Variants in KCNN2 observed in about 807,000 individuals in gnomAD.
KCNN2 encodes small conductance calcium-activated potassium channel protein 2.
Under a neutral mutation model 55.5 loss-of-function variants are expected in KCNN2, and 24 were observed. That is an observed-to-expected ratio of 0.43 (90% confidence interval 0.31 to 0.61). KCNN2 has a LOEUF of 0.61. KCNN2 is among the 20% of genes least tolerant of loss of function. KCNN2 has a pLI of 0.08. For missense variants in KCNN2, 754 were observed against 853.6 expected, an observed-to-expected ratio of 0.88 and a Z score of 1.45; for synonymous variants, 431 against 336.1, an observed-to-expected ratio of 1.28 and a Z score of -3.09.
At chr5:114,150,743 C>T (rs984719990) in intron 1 of KCNN2, among the ~76,000 whole-genome samples, 13 of 152,162 alleles carry the variant, frequency 8.5e-5, no homozygotes, top group South Asian at 2.1e-4. Flanking sequence ...TAAGCAAGGC[C>T]GGGCACAGTG....
At chr5:114,201,203 T>C (rs1319738419) in intron 1 of KCNN2, among the ~76,000 whole-genome samples, 1 of 152,046 alleles carries the variant, frequency 6.6e-6, no homozygotes, top group Non-Finnish European at 1.5e-5. Flanking sequence ...CAGCTGCCCA[T>C]AGTAGGTGGC....
chr5:114,240,674 A>C, intron 2 of KCNN2, among the ~76,000 whole-genome samples: 1 of 152,032 alleles, frequency 6.6e-6, no homozygotes, highest in South Asian at 2.1e-4. Flanking sequence ...CAAGCAATCC[A>C]CTGCCTCATC....
At chr5:114,393,781 T>A (rs1383261043) in intron 2 of KCNN2, among the ~76,000 whole-genome samples, 1 of 150,836 alleles carries the variant, frequency 6.6e-6, no homozygotes, top group Non-Finnish European at 1.5e-5. Flanking sequence ...TACTTTGCTT[T>A]TAAAAAAAAA....
chr5:114,209,205 C>G (rs1451751891), intron 1 of KCNN2, among the ~76,000 whole-genome samples: 1 of 151,992 alleles, frequency 6.6e-6, no homozygotes, highest in Non-Finnish European at 1.5e-5. Context: ...CAGGCATGCA[C>G]CACCACACCT....
chr5:114,123,153 G>T (rs902288696), intron 1 of KCNN2, among the ~76,000 whole-genome samples: 1 of 151,736 alleles, frequency 6.6e-6, no homozygotes, highest in Non-Finnish European at 1.5e-5. Flanking sequence ...TGTTTTTTTT[G>T]CCCAGATATC....
intron 2 of KCNN2, among the ~76,000 whole-genome samples, chr5:114,299,540 T>C (rs866531044): frequency 7.9e-5 from 12 of 152,212 alleles, no homozygotes; most frequent in African/African-American, 2.9e-4. Context: ...GGATTCAGTT[T>C]CTTTCTGGGG....
At chr5:114,067,732 C>T (rs1750480483) in intron 1 of KCNN2, among the ~76,000 whole-genome samples, 1 of 152,174 alleles carries the variant, frequency 6.6e-6, no homozygotes, top group Non-Finnish European at 1.5e-5. Flanking sequence ...TACCCCACTC[C>T]TCCCACAGGG....
chr5:114,251,017 A>G (rs768465776), intron 2 of KCNN2, among the ~76,000 whole-genome samples: 82 of 152,226 alleles, frequency 5.4e-4, no homozygotes, highest in African/African-American at 1.9e-3. Context: ...GAATATTTCC[A>G]TGAAGATATG....
intron 2 of KCNN2, among the ~76,000 whole-genome samples, chr5:114,340,895 T>C (rs1465619096): frequency 1.3e-5 from 2 of 152,218 alleles, no homozygotes; most frequent in African/African-American, 4.8e-5. Flanking sequence ...GTTTATGAGT[T>C]TGACATTTTT....
chr5:114,355,873 A>G (rs1488124708), intron 2 of KCNN2, among the ~76,000 whole-genome samples: 1 of 152,138 alleles, frequency 6.6e-6, no homozygotes, highest in Non-Finnish European at 1.5e-5. Flanking sequence ...GTATTTTTAA[A>G]ATACATTTTA....
chr5:114,191,890 TCCAGGCTGAG>T (rs1753458165), intron 1 of KCNN2, among the ~76,000 whole-genome samples: 1 of 152,106 alleles, frequency 6.6e-6, no homozygotes, highest in African/African-American at 2.4e-5. Context: ...CCTTAGGAAG[TCCAGGCTGAG>T]AAACCAAATT....
intron 3 of KCNN2, among the ~76,000 whole-genome samples, chr5:114,442,287 G>C (rs1459784): frequency 6.6e-6 from 1 of 150,518 alleles, no homozygotes; most frequent in Non-Finnish European, 1.5e-5. Flanking sequence ...TGTATATATA[G>C]AGAGAGAGAG....
chr5:114,165,993 A>G (rs763152761), intron 1 of KCNN2, among the ~76,000 whole-genome samples: 1 of 152,100 alleles, frequency 6.6e-6, no homozygotes, highest in Non-Finnish European at 1.5e-5. Context: ...TAAGCTGCCT[A>G]TATGTCTTAC....
At chr5:114,132,457 T>C (rs1752090425) in intron 1 of KCNN2, among the ~76,000 whole-genome samples, 1 of 152,226 alleles carries the variant, frequency 6.6e-6, no homozygotes, top group African/African-American at 2.4e-5. Flanking sequence ...GCTATCTTAT[T>C]TCTGAGTTCT....
intron 1 of KCNN2, among the ~76,000 whole-genome samples, chr5:114,207,419 G>A (rs989529386): frequency 2.6e-5 from 4 of 152,060 alleles, no homozygotes; most frequent in South Asian, 2.1e-4. Context: ...TCAGGTCATC[G>A]CACACATGTA....
At chr5:114,440,158 A>T (rs1049972430) in intron 3 of KCNN2, among the ~76,000 whole-genome samples, 2 of 152,172 alleles carry the variant, frequency 1.3e-5, no homozygotes, top group African/African-American at 4.8e-5. Context: ...AGAAACCTAC[A>T]TGTAGACACA....
At chr5:114,267,677 T>C (rs1053883547) in intron 2 of KCNN2, among the ~76,000 whole-genome samples, 4 of 152,168 alleles carry the variant, frequency 2.6e-5, no homozygotes, top group Admixed American at 2.0e-4. Context: ...TTTGTCCTAT[T>C]AAATAAAAAG....
chr5:114,475,175 C>A (rs577069856), intron 5 of KCNN2, among the ~76,000 whole-genome samples: 1 of 151,990 alleles, frequency 6.6e-6, no homozygotes, highest in Non-Finnish European at 1.5e-5. Context: ...TGAAGTTCAC[C>A]GAGGTCAACC....
intron 6 of KCNN2, among the ~76,000 whole-genome samples, chr5:114,491,823 G>A (rs759282523): frequency 2.0e-4 from 30 of 152,024 alleles, no homozygotes; most frequent in Non-Finnish European, 3.4e-4. Flanking sequence ...ACACTTCTGC[G>A]TAATGACCCA....
Sources: allele counts gnomAD v4.1 joint callset (sites outside exome capture counted in the v4.1 genomes callset), GRCh38; gene constraint gnomAD v4.1.1; transcripts MANE v1.5; gene names NCBI Gene and HGNC (gene_info 2026-07-23, HGNC 2026-07-21).